Variants in FMO1 observed in about 807,000 individuals in gnomAD.
FMO1 encodes the protein flavin containing dimethylaniline monoxygenase 1, also known as flavin-containing monooxygenase 1.
A neutral mutation model predicts 45.4 loss-of-function variants in FMO1; 36 were observed. The observed-to-expected ratio is 0.79, with a 90% CI of 0.61 to 1.05. FMO1 has a LOEUF of 1.05. Among genes scored for constraint, FMO1 ranks in the 50% least tolerant of loss-of-function variants. The pLI, the probability that FMO1 is intolerant of heterozygous loss-of-function variation, is 0.00. For synonymous variants in FMO1, 228 were observed against 227.2 expected, an observed-to-expected ratio of 1.00 and a Z score of -0.03; for missense variants, 615 against 640.3, an observed-to-expected ratio of 0.96 and a Z score of 0.43.
intron 4 of FMO1, among the ~76,000 whole-genome samples, chr1:171,276,204 T>C (rs1661101054): frequency 6.6e-6 from 1 of 152,196 alleles, no homozygotes; most frequent in Non-Finnish European, 1.5e-5. Context: ...CATCTAATGA[T>C]TGCCTAGAAT....
At chr1:171,273,411 C>G (rs890271761) in intron 3 of FMO1, among the ~76,000 whole-genome samples, 1 of 152,162 alleles carries the variant, frequency 6.6e-6, no homozygotes, top group Non-Finnish European at 1.5e-5. Context: ...AAAGCATTAT[C>G]ATAATGAATA....
chr1:171,260,912 CA>C (rs71561566), intron 2 of FMO1, among the ~76,000 whole-genome samples: 1,135 of 53,620 alleles, frequency 0.021, 4 homozygotes, highest in African/African-American at 0.037. Flanking sequence ...GGCTCCATCT[CA>C]AAAAAAAAAA....
chr1:171,277,325 G>A (rs538106227), intron 4 of FMO1, among the ~76,000 whole-genome samples: 22 of 152,098 alleles, frequency 1.4e-4, no homozygotes, highest in Admixed American at 4.6e-4. Context: ...CTAAAAAGTC[G>A]TAGTAAAAAT....
intron 3 of FMO1, chr1:171,270,561 T>A: frequency 1.0e-6 from 1 of 985,044 alleles, no homozygotes; most frequent in Non-Finnish European, 1.2e-6. Flanking sequence ...CAACTTTTTT[T>A]TTTTTGCAAT....
At chr1:171,248,654 T>C (rs931919542) in intron 1 of FMO1, 31 bp downstream of exon 1, 3 of 152,026 alleles carry the variant, frequency 2.0e-5, no homozygotes, top group African/African-American at 2.4e-5. Context: ...TCTGATTTCT[T>C]TGGATGAGGA....
At chr1:171,283,761 A>G (rs1163810121) in intron 8 of FMO1, among the ~76,000 whole-genome samples, 1 of 152,216 alleles carries the variant, frequency 6.6e-6, no homozygotes. Context: ...TGGAAACCAT[A>G]CTGGCCATAA....
intron 1 of FMO1, among the ~76,000 whole-genome samples, chr1:171,250,235 C>G (rs891334707): frequency 6.6e-6 from 1 of 152,014 alleles, no homozygotes; most frequent in African/African-American, 2.4e-5. Context: ...AGACATGAAC[C>G]CTTCATTTCT....
At chr1:171,252,151 A>C (rs1023668045) in intron 1 of FMO1, among the ~76,000 whole-genome samples, 4 of 152,118 alleles carry the variant, frequency 2.6e-5, no homozygotes, top group Non-Finnish European at 4.4e-5. Flanking sequence ...AGCACACTTA[A>C]ATGTTTTAAA....
intron 2 of FMO1, among the ~76,000 whole-genome samples, chr1:171,262,396 T>C (rs1660413827): frequency 6.6e-6 from 1 of 152,216 alleles, no homozygotes; most frequent in African/African-American, 2.4e-5. Context: ...AAAAATACAC[T>C]GTGCTTCATC....
chr1:171,280,908 A>G lies in FMO1; in HGVS notation c.750A>G (p.Pro250=), dbSNP rs941868480. The change falls in exon 6 of 9, where the codon CCA becomes CCG. Residue 250 remains proline, a synonymous_variant. Transcript: ENST00000617670. ...TGTTGAGAAATTCCCTCCCAACCCC[A>G]ATTGTGACTTGGTTGATGGAGCGAA... ...QNMLRNSLPT[P]IVTWLMERKI... The G allele has an allele frequency of 6.8e-6, 11 of 1,613,816 alleles. No homozygotes were observed. The African/African-American group carries it at 1.2e-4, about 18-fold the overall frequency.
At chr1:171,260,646 G>A (rs1298304355) in intron 2 of FMO1, among the ~76,000 whole-genome samples, 1 of 151,918 alleles carries the variant, frequency 6.6e-6, no homozygotes, top group Non-Finnish European at 1.5e-5. Context: ...AATAGAGAAG[G>A]TCAGCCAGGC....
intron 2 of FMO1, among the ~76,000 whole-genome samples, chr1:171,262,342 A>G (rs1358700254): frequency 2.0e-5 from 3 of 152,202 alleles, no homozygotes; most frequent in Non-Finnish European, 2.9e-5. Flanking sequence ...TTCAGGTAAA[A>G]GCACACAGAC....
chr1:171,262,965 C>T (rs1157661789), intron 2 of FMO1, among the ~76,000 whole-genome samples: 5 of 152,174 alleles, frequency 3.3e-5, no homozygotes, highest in African/African-American at 1.2e-4. Flanking sequence ...AAGAAATTAA[C>T]ATTCTTGGAG....
In FMO1 at chr1:171,285,937, T is replaced by C. The variant is rs1468564632; in HGVS notation, c.*393T>C. ...TGGTGCTCTTATAGTACTGGCTTAT[T>C]AAAAGTAAAAAATAAACCTAAAAAT... On this transcript the variant is annotated 3_prime_UTR_variant, in exon 9 of 9. Coordinates refer to ENST00000617670, the MANE Select transcript of FMO1 (RefSeq NM_001282693.2). The C allele has an allele frequency of 1.9e-5, 3 of 157,458 alleles. No individual in the cohort carries two copies. The Admixed American group carries it at 1.9e-4, about 10-fold the overall frequency. 9.8% of individuals were successfully genotyped at this position (157,458 alleles called of 1,614,324 possible).
chr1:171,275,078 C>A (rs1235812216), intron 3 of FMO1, among the ~76,000 whole-genome samples: 4 of 152,232 alleles, frequency 2.6e-5, no homozygotes, highest in African/African-American at 9.6e-5. Flanking sequence ...GGTTCTAATT[C>A]TGATTCTGTC....
rs560356278 is a variant in FMO1 at position 171,268,136 on chromosome 1, G to C, written c.321+405G>C. Among the ~76,000 whole-genome samples, 3 of 152,254 alleles carry C rather than the reference G, an allele frequency of 2.0e-5. No homozygotes were observed. In the South Asian group the frequency reaches 6.2e-4, roughly 32 times the overall value. ...GGGTCTCACTTTGTTGCCCAGGCTG[G>C]AGTGCAGTGGCATGATCATGGCTCA... On this transcript the variant is annotated intron_variant, in intron 3 of 8. Coordinates refer to ENST00000617670, the MANE Select transcript of FMO1 (RefSeq NM_001282693.2).
At chr1:171,254,692 C>T (rs561406053) in intron 1 of FMO1, among the ~76,000 whole-genome samples, 2 of 152,306 alleles carry the variant, frequency 1.3e-5, no homozygotes, top group Admixed American at 1.3e-4. Context: ...CAGCTTCTCA[C>T]ACCTCTGTGA....
At chr1:171,277,094 C>T (rs1299791666) in intron 4 of FMO1, among the ~76,000 whole-genome samples, 1 of 152,162 alleles carries the variant, frequency 6.6e-6, no homozygotes, top group Non-Finnish European at 1.5e-5. Context: ...AATTTAAAAT[C>T]CCTGGCTAAA....
intron 5 of FMO1, among the ~76,000 whole-genome samples, chr1:171,279,618 A>T (rs915647009): frequency 6.6e-6 from 1 of 152,078 alleles, no homozygotes; most frequent in South Asian, 2.1e-4. Context: ...TTTGCCTTGT[A>T]CCACTACCCA....
Sources: gnomAD v4.1 joint callset for allele counts (sites outside exome capture counted in the v4.1 genomes callset) on GRCh38, gnomAD v4.1.1 for gene constraint, MANE v1.5 for transcripts, NCBI Gene and HGNC (gene_info 2026-07-23, HGNC 2026-07-21) for gene names.